Variants in SOX5 observed in about 807,000 individuals in gnomAD.
SOX5 encodes the protein transcription factor SOX-5.
SOX5 carries 9 observed loss-of-function variants against 92.0 expected under a neutral mutation model. That is an observed-to-expected ratio of 0.10 (90% confidence interval 0.06 to 0.17). SOX5 has a LOEUF of 0.17. Among genes scored for constraint, SOX5 ranks in the 10% least tolerant of loss-of-function variants. The pLI, the probability that SOX5 is intolerant of heterozygous loss-of-function variation, is 1.00. For missense variants in SOX5, 642 were observed against 944.5 expected (o/e 0.68, Z 4.20); for synonymous variants, 344 against 336.3 (o/e 1.02, Z -0.25).
At chr12:23,534,925 G>T (rs564651218) in intron 14 of SOX5, among the ~76,000 whole-genome samples, 3 of 152,000 alleles carry the variant, frequency 2.0e-5, no homozygotes, top group Non-Finnish European at 4.4e-5. Flanking sequence ...GGCCAGGCTG[G>T]TCTTGAACTC....
chr12:23,613,985 C>T (rs1256731979), intron 8 of SOX5, among the ~76,000 whole-genome samples: 2 of 152,062 alleles, frequency 1.3e-5, no homozygotes, highest in Non-Finnish European at 2.9e-5. Context: ...ACCTGGTGGC[C>T]CAAGGACAGC....
At chr12:23,726,212 T>A (rs1341962722) in intron 6 of SOX5, among the ~76,000 whole-genome samples, 6 of 147,770 alleles carry the variant, frequency 4.1e-5, no homozygotes, top group Non-Finnish European at 3.0e-5. Flanking sequence ...CATGAAAATT[T>A]ACTAGCAAAA....
chr12:23,666,718 A>C lies in SOX5; in HGVS notation c.811-1154T>G, dbSNP rs192690623. Among the ~76,000 whole-genome samples, 25 of 152,340 alleles carry C rather than the reference A, an allele frequency of 1.6e-4. No homozygotes were observed. In the East Asian group the frequency reaches 4.4e-3, roughly 27 times the overall value. On this transcript the variant is annotated intron_variant, in intron 6 of 14. Transcript: ENST00000451604. The stretch of plus-strand genomic sequence containing the variant: ...CTATGTGCAAGAAACTGAGCTAGGC[A>C]GTAGAGATGCAATAGTGAACAAGAA...
At chr12:24,275,143 T>C (rs1944291155) in intron 3 of SOX5, among the ~76,000 whole-genome samples, 2 of 152,202 alleles carry the variant, frequency 1.3e-5, no homozygotes, top group South Asian at 4.1e-4. Flanking sequence ...TAGCAGCTTA[T>C]ATATACCTTC....
chr12:24,397,927 G>A lies in SOX5; in HGVS notation c.-250-29288C>T, dbSNP rs184160316. Among the ~76,000 whole-genome samples, 1,519 of 152,028 alleles carry A rather than the reference G, an allele frequency of 1.0e-2. 20 individuals are homozygous for A. Among genetic ancestry groups the A allele is most frequent in the African/African-American group, 0.034 (1,426 of 41,390 alleles). The stretch of plus-strand genomic sequence containing the variant: ...TGCAGTGGCACGATCTCGGCTCACT[G>A]CAAGCTCCGACTCCCGGGTTCACGC... On this transcript the variant is annotated intron_variant, in intron 1 of 4. Transcript: ENST00000446891.
At chr12:23,668,107 G>A (rs1308924099) in intron 6 of SOX5, among the ~76,000 whole-genome samples, 1 of 152,178 alleles carries the variant, frequency 6.6e-6, no homozygotes, top group Non-Finnish European at 1.5e-5. Context: ...TGAGGCAAGA[G>A]GGCTGTGGTG....
intron 3 of SOX5, among the ~76,000 whole-genome samples, chr12:23,776,610 G>A (rs916531251): frequency 2.6e-5 from 4 of 152,044 alleles, no homozygotes; most frequent in Non-Finnish European, 5.9e-5. Flanking sequence ...CCAGTCTCGT[G>A]GAAGACATTT....
intron 3 of SOX5, among the ~76,000 whole-genome samples, chr12:24,260,294 G>A (rs12299501): frequency 0.022 from 3,306 of 152,272 alleles, 106 homozygotes; most frequent in African/African-American, 0.073. Context: ...TGAGTTATAT[G>A]GGAATAGAGA....
At chr12:24,374,676 G>T (rs534162274) in intron 1 of SOX5, among the ~76,000 whole-genome samples, 1 of 152,324 alleles carries the variant, frequency 6.6e-6, no homozygotes. Flanking sequence ...ATCAGCAGCT[G>T]ATCCAACAAG....
intron 6 of SOX5, among the ~76,000 whole-genome samples, chr12:23,709,711 G>C (rs999635763): frequency 2.0e-5 from 3 of 152,136 alleles, no homozygotes; most frequent in African/African-American, 7.2e-5. Context: ...TTAGGAGGTT[G>C]TGTATGGTAT....
intron 2 of SOX5, 35 bp downstream of exon 2, chr12:23,895,758 G>C: frequency 1.4e-6 from 2 of 1,462,452 alleles, no homozygotes; most frequent in Non-Finnish European, 9.6e-7. Context: ...TGGTCAAAAA[G>C]TGAGTGTAGG....
chr12:23,992,470 ACT>A (rs751735774), intron 4 of SOX5, among the ~76,000 whole-genome samples: 3 of 152,028 alleles, frequency 2.0e-5, no homozygotes, highest in Admixed American at 6.6e-5. Flanking sequence ...GCCATTAATA[ACT>A]CTCTTTTCTA....
chr12:24,106,312 C>T (rs1335810411), intron 4 of SOX5, among the ~76,000 whole-genome samples: 4 of 152,034 alleles, frequency 2.6e-5, no homozygotes, highest in Non-Finnish European at 5.9e-5. Flanking sequence ...GAATCTTCCT[C>T]AAGTCATTGC....
At chr12:24,483,133 TGAGA>T (rs1202134399) in intron 1 of SOX5, among the ~76,000 whole-genome samples, 3 of 152,208 alleles carry the variant, frequency 2.0e-5, no homozygotes, top group Non-Finnish European at 4.4e-5. Context: ...TGTTGACTAA[TGAGA>T]GAAACATTTT....
chr12:24,528,648 G>A (rs1023115801), intron 1 of SOX5, among the ~76,000 whole-genome samples: 12 of 152,182 alleles, frequency 7.9e-5, no homozygotes, highest in East Asian at 5.8e-4. Context: ...TTGCGAGAGC[G>A]CAGAATCGAG....
At chr12:23,541,862 G>A (rs1942119898) in intron 13 of SOX5, among the ~76,000 whole-genome samples, 1 of 152,168 alleles carries the variant, frequency 6.6e-6, no homozygotes, top group Non-Finnish European at 1.5e-5. Flanking sequence ...TGTAATCCCA[G>A]CACTTTGGGA....
chr12:23,981,753 CTG>C (rs1393359115), intron 4 of SOX5, among the ~76,000 whole-genome samples: 3 of 152,004 alleles, frequency 2.0e-5, no homozygotes, highest in Admixed American at 6.6e-5. Context: ...AGGCTAAAGA[CTG>C]TTATCAAATT....
At chr12:24,439,601 A>T (rs1369490761) in intron 1 of SOX5, among the ~76,000 whole-genome samples, 2 of 152,194 alleles carry the variant, frequency 1.3e-5, no homozygotes, top group African/African-American at 4.8e-5. Context: ...AATTGCATTA[A>T]AAACAAAAAT....
chr12:24,479,226 C>A (rs1318663589), intron 1 of SOX5, among the ~76,000 whole-genome samples: 1 of 152,092 alleles, frequency 6.6e-6, no homozygotes, highest in Non-Finnish European at 1.5e-5. Flanking sequence ...CCTGGTAACT[C>A]CGACCACTCC....
Sources: gnomAD v4.1 joint callset for allele counts (sites outside exome capture counted in the v4.1 genomes callset) on GRCh38, gnomAD v4.1.1 for gene constraint, MANE v1.5 for transcripts, NCBI Gene and HGNC (gene_info 2026-07-23, HGNC 2026-07-21) for gene names.